SPATA17: variants seen among roughly 807,000 people sequenced by gnomAD.
SPATA17 encodes spermatogenesis associated 17.
Under a neutral mutation model 62.2 loss-of-function variants are expected in SPATA17, and 53 were observed. That is an observed-to-expected ratio of 0.85 (90% CI 0.68 to 1.07). The LOEUF (loss-of-function observed/expected upper bound fraction) is 1.07. SPATA17 is among the 50% of genes least tolerant of loss of function. SPATA17 has a pLI of 0.00. For synonymous variants in SPATA17, 146 were observed against 146.8 expected, an observed-to-expected ratio of 0.99 and a Z score of 0.04; for missense variants, 466 against 425.5, an observed-to-expected ratio of 1.10 and a Z score of -0.84.
intron 8 of SPATA17, among the ~76,000 whole-genome samples, chr1:217,790,165 C>A (rs1673964365): frequency 6.6e-6 from 1 of 152,166 alleles, no homozygotes; most frequent in African/African-American, 2.4e-5. Flanking sequence ...GTCTTCACTT[C>A]CCCCTTATCT....
intron 9 of SPATA17, among the ~76,000 whole-genome samples, chr1:217,844,266 CAAGGTTTCTCTGCCCAGAGGG>C: frequency 6.6e-6 from 1 of 152,060 alleles, no homozygotes; most frequent in South Asian, 2.1e-4. Flanking sequence ...AAGCAGTAAG[CAAGGTTTCTCTGCCCAGAGGG>C]AGACCAGGCA....
intron 9 of SPATA17, chr1:217,850,704 C>T (rs897571469): frequency 1.3e-5 from 16 of 1,213,458 alleles, no homozygotes; most frequent in Middle Eastern, 2.2e-4. Context: ...CACCTCCACA[C>T]GCTCACCCGA....
At chr1:217,700,653 C>G (rs1405269598) in intron 5 of SPATA17, among the ~76,000 whole-genome samples, 1 of 151,746 alleles carries the variant, frequency 6.6e-6, no homozygotes, top group Non-Finnish European at 1.5e-5. Context: ...ATGGTGCGAT[C>G]TCTGCTCACT....
intron 5 of SPATA17, among the ~76,000 whole-genome samples, chr1:217,713,131 AG>A (rs1353443702): frequency 1.3e-5 from 2 of 152,218 alleles, no homozygotes; most frequent in African/African-American, 4.8e-5. Context: ...GTCACAGTGT[AG>A]GGCAGAGGAG....
intron 5 of SPATA17, among the ~76,000 whole-genome samples, chr1:217,726,718 T>TTG (rs1553369834): frequency 5.6e-4 from 47 of 84,164 alleles, no homozygotes; most frequent in African/African-American, 2.5e-3. Flanking sequence ...TTTTTGTGTG[T>TTG]TTTTTTTTTC....
At chr1:217,633,532 G>C (rs1669869174) in intron 1 of SPATA17, among the ~76,000 whole-genome samples, 1 of 152,166 alleles carries the variant, frequency 6.6e-6, no homozygotes, top group African/African-American at 2.4e-5. Flanking sequence ...GATGTCTTGA[G>C]GTCAATTATG....
At chr1:217,788,834 A>AT (rs1378753381) in intron 8 of SPATA17, among the ~76,000 whole-genome samples, 1 of 152,192 alleles carries the variant, frequency 6.6e-6, no homozygotes, top group Non-Finnish European at 1.5e-5. Flanking sequence ...GCCACCACCA[A>AT]TTTTGTGGTG....
At chr1:217,759,895 T>A (rs1313827724) in intron 6 of SPATA17, among the ~76,000 whole-genome samples, 1 of 152,210 alleles carries the variant, frequency 6.6e-6, no homozygotes, top group East Asian at 1.9e-4. Flanking sequence ...CATCTTCTGC[T>A]GTGGATAAAC....
Position 217,856,646 on chromosome 1 carries a change from T to G in SPATA17, c.1006-6128T>G, listed in dbSNP as rs188137600. Among the ~76,000 whole-genome samples the G allele has an allele frequency of 2.8e-3, 423 of 152,316 alleles. 4 individuals carry two copies. The highest frequency in any genetic ancestry group is 2.8e-3 in the Non-Finnish European group (192 of 68,024). On this transcript the variant is annotated intron_variant, in intron 9 of 10. Transcript: ENST00000366933. ...ACACATGGTTTGATTGAAGAATGCA[T>G]AATAAATCCTAAATCTCTGAGCTTT...
At chr1:217,766,533 A>T (rs577388180) in intron 6 of SPATA17, among the ~76,000 whole-genome samples, 31 of 152,130 alleles carry the variant, frequency 2.0e-4, no homozygotes, top group African/African-American at 7.0e-4. Flanking sequence ...ATACTTATAC[A>T]TAAGCATTTA....
chr1:217,859,070 T>G (rs1467942154), intron 9 of SPATA17, among the ~76,000 whole-genome samples: 2 of 148,244 alleles, frequency 1.3e-5, no homozygotes, highest in Non-Finnish European at 3.0e-5. Context: ...TATATGTGTA[T>G]AAATTTATAT....
chr1:217,671,734 C>G (rs542746965), intron 4 of SPATA17, among the ~76,000 whole-genome samples: 2 of 152,054 alleles, frequency 1.3e-5, no homozygotes, highest in African/African-American at 4.8e-5. Context: ...GTGAGGGGAG[C>G]GAAGACTTAG....
chr1:217,775,952 C>T (rs1296217853), intron 7 of SPATA17, among the ~76,000 whole-genome samples: 1 of 151,930 alleles, frequency 6.6e-6, no homozygotes, highest in Non-Finnish European at 1.5e-5. Context: ...TATTGTTATA[C>T]CACTACTTGT....
intron 3 of SPATA17, among the ~76,000 whole-genome samples, chr1:217,659,549 G>A (rs985095400): frequency 1.3e-5 from 2 of 151,986 alleles, no homozygotes; most frequent in Non-Finnish European, 2.9e-5. Flanking sequence ...AGAATGTGCA[G>A]GTGGTATCTG....
At chr1:217,737,444 G>A (rs1303395207) in intron 5 of SPATA17, among the ~76,000 whole-genome samples, 1 of 152,126 alleles carries the variant, frequency 6.6e-6, no homozygotes, top group Non-Finnish European at 1.5e-5. Flanking sequence ...ATTTATTGGG[G>A]AGCAACATCT....
rs552916381 is a variant in SPATA17, at chr1:217,853,151, G to T, written c.1006-9623G>T. ...TGTTTATAAACAAATCCTTCAAAAA[G>T]AGCAGAAAGAAATTAGTCTAACAAA... On this transcript the variant is annotated intron_variant, in intron 9 of 10. Coordinates refer to ENST00000366933, the MANE Select transcript of SPATA17 (RefSeq NM_138796.4). Among the ~76,000 whole-genome samples, 25 of 152,204 alleles carry T rather than the reference G, an allele frequency of 1.6e-4. No individual in the cohort carries two copies. In the South Asian group the frequency reaches 5.0e-3, roughly 30 times the overall value.
intron 8 of SPATA17, among the ~76,000 whole-genome samples, chr1:217,791,970 G>A (rs1258898721): frequency 6.6e-6 from 1 of 152,078 alleles, no homozygotes; most frequent in Non-Finnish European, 1.5e-5. Flanking sequence ...CCTGTAACCA[G>A]GGGTGTCCAG....
At chr1:217,682,281 A>G (rs544749475) in intron 4 of SPATA17, among the ~76,000 whole-genome samples, 101 of 151,752 alleles carry the variant, frequency 6.7e-4, no homozygotes, top group Non-Finnish European at 1.3e-3. Context: ...ACAGTGACTG[A>G]TTCTCATGGT....
At chr1:217,819,755 G>A (rs1391701659) in intron 9 of SPATA17, among the ~76,000 whole-genome samples, 1 of 151,974 alleles carries the variant, frequency 6.6e-6, no homozygotes, top group Non-Finnish European at 1.5e-5. Context: ...AAGGCTGAAG[G>A]TATGTGTCAT....
Sources: gnomAD v4.1 joint callset for allele counts (sites outside exome capture counted in the v4.1 genomes callset) on GRCh38, gnomAD v4.1.1 for gene constraint, MANE v1.5 for transcripts, NCBI Gene and HGNC (gene_info 2026-07-23, HGNC 2026-07-21) for gene names.